Variants in CIITA observed in about 807,000 individuals in gnomAD.
CIITA encodes the protein MHC class II transactivator.
Under a neutral mutation model 115.1 loss-of-function variants are expected in CIITA, and 72 were observed. The ratio of observed to expected loss-of-function variants is 0.63; its 90% CI spans 0.52 to 0.76. The LOEUF is 0.76. Among genes scored for constraint, CIITA ranks in the 30% least tolerant of loss-of-function variants. The pLI is 0.00. For missense variants in CIITA, 1,617 were observed against 1,463.8 expected (o/e 1.10, Z -1.71); for synonymous variants, 763 against 635.6 (o/e 1.20, Z -3.02).
In CIITA at chr16:10,942,875, A is replaced by G. The variant is rs528033240; in HGVS notation, n.2001A>G. On this transcript the variant is annotated non_coding_transcript_exon_variant, in exon 2 of 2. Coordinates refer to the CIITA transcript ENST00000573379. This position sits in a 1 kb window ranked among gnomAD's most constrained non-coding sequence, Gnocchi z 5.0. ...AAATTTTGGACATTCCCAAAGCGCC[A>G]ATTTTCATGGTGGAGATCCACCAGT... 1.3e-5 allele frequency: 2 copies of G among 152,108 alleles called. No individual in the cohort carries two copies. The highest frequency in any genetic ancestry group is 2.9e-5 in the Non-Finnish European group (2 of 68,016). 9.4% of individuals were successfully genotyped at this position (152,108 alleles called of 1,614,324 possible).
Position 10,921,497 on chromosome 16 carries a change from G to A in CIITA, c.3150-670G>A, listed in dbSNP as rs916803558. Among the ~76,000 whole-genome samples, 3 of 152,262 alleles carry A rather than the reference G, an allele frequency of 2.0e-5. No homozygotes were observed. In the East Asian group the frequency reaches 5.8e-4, roughly 29 times the overall value. ...CATAGCTAACATTTAGTTCATTCTA[G>A]GCACCAAGGCATGTTCTAAATGTTA... On this transcript the variant is annotated intron_variant, in intron 16 of 19. Coordinates refer to ENST00000324288, the MANE Select transcript of CIITA (RefSeq NM_000246.4).
chr16:10,889,928 C>A (rs1349489909), intron 1 of CIITA, among the ~76,000 whole-genome samples: 2 of 152,222 alleles, frequency 1.3e-5, no homozygotes, highest in African/African-American at 2.4e-5. Flanking sequence ...AGCCATTTCA[C>A]TGAGGCGTGT....
In CIITA at chr16:10,901,677, C is replaced by T. The variant is rs1027462063; in HGVS notation, c.481+119C>T. On this transcript the variant is annotated intron_variant, in intron 6 of 19. Coordinates refer to ENST00000324288, the MANE Select transcript of CIITA (RefSeq NM_000246.4). The surrounding 1 kb of genome is among the most constrained non-coding windows in gnomAD (Gnocchi z 6.8). ...GGTGCATGGTGCAGCCCCTGCCCTTCTTTGGGTAGAGGCTGAGAGCTTGGG... is the reference window on the plus strand; with the variant it reads ...GGTGCATGGTGCAGCCCCTGCCCTTTTTTGGGTAGAGGCTGAGAGCTTGGG... The T allele has an allele frequency of 7.1e-6, 8 of 1,134,686 alleles. No individual in the cohort carries two copies. The African/African-American group carries it at 1.2e-4, about 17-fold the overall frequency. The allele number at this position is 1,134,686 out of a possible 1,614,324, so 70.3% of individuals were successfully genotyped here. A position where few individuals can be genotyped will look rare whatever the true frequency, so the allele number is the denominator to read the frequency against.
intron 15 of CIITA, among the ~76,000 whole-genome samples, chr16:10,917,718 G>A (rs2040034034): frequency 6.6e-6 from 1 of 151,710 alleles, no homozygotes; most frequent in South Asian, 2.1e-4. Context: ...GACCTCAAGT[G>A]ATCCGCCCAC....
chr16:10,879,023 C>T lies in CIITA; in HGVS notation c.52+1641C>T, dbSNP rs2036130513. The T allele has an allele frequency of 1.4e-5, 3 of 217,490 alleles. No individual in the cohort carries two copies. Among genetic ancestry groups the T allele is most frequent in the Non-Finnish European group, 2.8e-5 (3 of 108,228 alleles). 13.5% of individuals were successfully genotyped at this position (217,490 alleles called of 1,614,324 possible). On this transcript the variant is annotated intron_variant, in intron 1 of 19. Transcript: ENST00000324288. The surrounding 1 kb of genome is among the most constrained non-coding windows in gnomAD (Gnocchi z 4.3). The stretch of plus-strand genomic sequence containing the variant: ...AGGGAGAGGCCACCAGCAGCGCGCG[C>T]GGGAGCCCGGGGAACAGCGGTAGGT...
At chr16:10,903,452 A>C (rs1256652858) in intron 8 of CIITA, among the ~76,000 whole-genome samples, 1 of 152,170 alleles carries the variant, frequency 6.6e-6, no homozygotes, top group Non-Finnish European at 1.5e-5. Context: ...ATGAGCACTG[A>C]CCACACAGCA....
At chr16:10,937,629 G>A (rs2041047272), downstream of CIITA, 1 of 152,234 alleles carries the variant, frequency 6.6e-6, no homozygotes, top group Non-Finnish European at 1.5e-5. The surrounding 1 kb of genome is among the most constrained non-coding windows in gnomAD (Gnocchi z 4.2). Flanking sequence ...CCAAGAGAGG[G>A]CTGGCAGGTA....
At chr16:10,914,497 T>C (rs775723293) in intron 13 of CIITA, among the ~76,000 whole-genome samples, 6 of 152,218 alleles carry the variant, frequency 3.9e-5, no homozygotes, top group African/African-American at 7.2e-5. Context: ...GCTGGCACCA[T>C]AATTTTACCA....
intron 1 of CIITA, among the ~76,000 whole-genome samples, chr16:10,886,912 C>A (rs28623754): frequency 6.6e-6 from 1 of 152,324 alleles, no homozygotes; most frequent in African/African-American, 2.4e-5. Context: ...AAAATATCAT[C>A]TGGGTCTACA....
Position 10,907,494 on chromosome 16 carries a change from G to C in CIITA, c.2002G>C (p.Gly668Arg), listed in dbSNP as rs1056810877. Residue 668 changes from glycine (G) to arginine (R), a missense_variant, in exon 11 of 20, where the codon GGC becomes CGC. Gly to Arg is a moderately radical substitution (Grantham distance 125). Transcript: ENST00000324288. This position sits in a 1 kb window ranked among gnomAD's most constrained non-coding sequence, Gnocchi z 5.0. ...AELAKLAWEL[G>R]RRHQSTLQED... ...GCTGGCCAAGCTGGCCTGGGAGCTG[G>C]GCCGCAGACATCAAAGTACCCTACA... 2.5e-6 allele frequency: 4 copies of C among 1,613,704 alleles called. No homozygotes were observed. The highest frequency in any genetic ancestry group is 3.4e-6 in the Non-Finnish European group (4 of 1,179,982).
intron 1 of CIITA, among the ~76,000 whole-genome samples, chr16:10,894,153 CT>C (rs1409716770): frequency 6.6e-6 from 1 of 152,172 alleles, no homozygotes; most frequent in Non-Finnish European, 1.5e-5. Context: ...CGCCCCACCC[CT>C]CCTACTTTAT....
At chr16:10,911,178 T>C (rs1354128521) in intron 13 of CIITA, among the ~76,000 whole-genome samples, 2 of 151,026 alleles carry the variant, frequency 1.3e-5, no homozygotes, top group Non-Finnish European at 2.9e-5. Flanking sequence ...TTTAGATCTG[T>C]CAGAATATAG....
At chr16:10,903,522 A>G (rs563290897) in intron 8 of CIITA, among the ~76,000 whole-genome samples, 1 of 152,164 alleles carries the variant, frequency 6.6e-6, no homozygotes, top group Non-Finnish European at 1.5e-5. Flanking sequence ...CACCCATTTC[A>G]CAGATTGGAA....
upstream of CIITA, among the ~76,000 whole-genome samples, chr16:10,874,364 C>G (rs376170687): frequency 6.6e-6 from 1 of 152,166 alleles, no homozygotes; most frequent in Non-Finnish European, 1.5e-5. Flanking sequence ...CATTCCTCCT[C>G]GTGCTCTTTG....
In CIITA at chr16:10,929,077, G is replaced by T; in HGVS notation, c.*5222G>T. The T allele has an allele frequency of 2.5e-6, 1 of 399,030 alleles. No homozygotes were observed. Among genetic ancestry groups the T allele is most frequent in the Non-Finnish European group, 3.4e-6 (1 of 293,800 alleles). 24.7% of individuals were successfully genotyped at this position (399,030 alleles called of 1,614,324 possible). The stretch of plus-strand genomic sequence containing the variant: ...CAACTTGCTGAAGAACGAGTAACCT[G>T]AAATGAAGGAGCGAGAATCCCACCC... On this transcript the variant is annotated 3_prime_UTR_variant, in exon 20 of 20. Coordinates refer to ENST00000324288, the MANE Select transcript of CIITA (RefSeq NM_000246.4). This position sits in a 1 kb window ranked among gnomAD's most constrained non-coding sequence, Gnocchi z 4.3.
rs192610935 is a variant in CIITA, at chr16:10,887,313, C to T, written c.53-7969C>T. Among the ~76,000 whole-genome samples, 8 of 152,140 alleles carry T rather than the reference C, an allele frequency of 5.3e-5. No homozygotes were observed. In the East Asian group the frequency reaches 1.5e-3, roughly 29 times the overall value. On this transcript the variant is annotated intron_variant, in intron 1 of 19. Coordinates refer to ENST00000324288, the MANE Select transcript of CIITA (RefSeq NM_000246.4). ...ACGAGGAATCAGAATCTCAAAAAGA[C>T]TCAATTGAAGGGGCTCCAACACTCG...
chr16:10,895,004 C>T (rs975328033), intron 1 of CIITA, among the ~76,000 whole-genome samples: 4 of 152,146 alleles, frequency 2.6e-5, no homozygotes, highest in African/African-American at 7.2e-5. Flanking sequence ...AAATGTGGGA[C>T]GGGTCTCCTG....
chr16:10,916,650 C>T (rs1050085768), intron 15 of CIITA, 191 bp downstream of exon 15: 1 of 629,480 alleles, frequency 1.6e-6, no homozygotes, highest in Non-Finnish European at 2.9e-6. Context: ...CTCCGCTTCC[C>T]AAAGTGCTGG....
chr16:10,901,707 C>T lies in CIITA; in HGVS notation c.481+149C>T. ...GGTAGAGGCTGAGAGCTTGGGGTCC[C>T]TTAGAGTCCTCTAAGGGGCTCACGA... On this transcript the variant is annotated intron_variant, in intron 6 of 19. Transcript: ENST00000324288. The surrounding 1 kb of genome is among the most constrained non-coding windows in gnomAD (Gnocchi z 6.8). 1 of 854,670 alleles carries T rather than the reference C, an allele frequency of 1.2e-6. No homozygotes were observed. The highest frequency in any genetic ancestry group is 1.9e-6 in the Non-Finnish European group (1 of 530,550). The allele number at this position is 854,670 out of a possible 1,614,324, so 52.9% of individuals were successfully genotyped here. A position where few individuals can be genotyped will look rare whatever the true frequency, so the allele number is the denominator to read the frequency against.
Sources: gnomAD v4.1 joint callset for allele counts (sites outside exome capture counted in the v4.1 genomes callset) on GRCh38, gnomAD v4.1.1 for gene constraint, Gnocchi (gnomAD v3.1) non-coding constraint, MANE v1.5 for transcripts, NCBI Gene and HGNC (gene_info 2026-07-23, HGNC 2026-07-21) for gene names.